The following DZIP3 variants were observed in gnomAD, a reference collection of about 807,000 sequenced individuals.
DZIP3 encodes DAZ interacting zinc finger protein 3.
In DZIP3, 118 loss-of-function variants were observed where a neutral mutation model predicts 162.0. That is an observed-to-expected ratio of 0.73 (90% CI 0.63 to 0.85). The LOEUF is 0.85. Among genes scored for constraint, DZIP3 ranks in the 40% least tolerant of loss-of-function variants. DZIP3 has a pLI of 0.00. For missense variants in DZIP3, 1,331 were observed against 1,407.0 expected (o/e 0.95, Z 0.86); for synonymous variants, 438 against 458.6 (o/e 0.96, Z 0.57).
intron 27 of DZIP3, 36 bp downstream of exon 27, chr3:108,684,377 T>A: frequency 6.3e-7 from 1 of 1,593,146 alleles, no homozygotes; most frequent in East Asian, 2.2e-5. Flanking sequence ...TGTTAATTAG[T>A]TTTTTTATTA....
At chr3:108,683,780 G>T (rs900645835) in intron 26 of DZIP3, among the ~76,000 whole-genome samples, 2 of 152,082 alleles carry the variant, frequency 1.3e-5, no homozygotes, top group South Asian at 4.1e-4. Context: ...ATAACTTTGG[G>T]TTGTTCTGTG....
chr3:108,640,765 G>C (rs1942366792), intron 12 of DZIP3, among the ~76,000 whole-genome samples: 1 of 151,900 alleles, frequency 6.6e-6, no homozygotes, highest in Non-Finnish European at 1.5e-5. Flanking sequence ...TTTTAACCCT[G>C]ATAATATTCT....
intron 24 of DZIP3, among the ~76,000 whole-genome samples, chr3:108,674,567 T>G (rs1348565583): frequency 2.0e-5 from 3 of 151,962 alleles, no homozygotes; most frequent in African/African-American, 4.8e-5. Flanking sequence ...CAGATACTTA[T>G]GAAACAAGGT....
intron 1 of DZIP3, among the ~76,000 whole-genome samples, chr3:108,597,738 G>T (rs1939782644): frequency 6.6e-6 from 1 of 152,174 alleles, no homozygotes; most frequent in Non-Finnish European, 1.5e-5. Flanking sequence ...GTCCATTGAG[G>T]TGTGGGAACA....
At chr3:108,630,507 A>G (rs1941782680) in intron 8 of DZIP3, among the ~76,000 whole-genome samples, 1 of 152,158 alleles carries the variant, frequency 6.6e-6, no homozygotes, top group Admixed American at 6.5e-5. Context: ...CAATCACAAT[A>G]GAATATTTTA....
chr3:108,663,505 G>A (rs1373974654), intron 21 of DZIP3, among the ~76,000 whole-genome samples: 3 of 150,058 alleles, frequency 2.0e-5, no homozygotes, highest in African/African-American at 4.9e-5. Flanking sequence ...GCAGTGAGCC[G>A]AGATCGTGCC....
At chr3:108,610,304 A>G (rs1367182775) in intron 3 of DZIP3, among the ~76,000 whole-genome samples, 1 of 152,058 alleles carries the variant, frequency 6.6e-6, no homozygotes, top group Non-Finnish European at 1.5e-5. Context: ...ATGTTTATAT[A>G]TTTTCCCCTC....
chr3:108,638,704 G>A (rs761365769), intron 12 of DZIP3, among the ~76,000 whole-genome samples: 14 of 151,984 alleles, frequency 9.2e-5, no homozygotes, highest in African/African-American at 2.4e-4. Context: ...ATTATTTCTC[G>A]TTTGAAATTC....
rs754766588 is a variant in DZIP3, at chr3:108,669,733, C to G, written c.2476C>G (p.Gln826Glu). Reference sequence around the variant, plus strand: ...TAATGAAATCAAGAACCTTAAAGAGCAACTTTCTATGAAAAGGTACAAACT... The same window carrying G: ...TAATGAAATCAAGAACCTTAAAGAGGAACTTTCTATGAAAAGGTACAAACT... ...KDNEIKNLKEQLSMKRSQWEM... is the reference protein window; with the variant it reads ...KDNEIKNLKEELSMKRSQWEM... Residue 826 changes from glutamine to glutamate, a missense_variant, in exon 22 of 33, where the codon CAA becomes GAA. Coordinates refer to ENST00000361582, the MANE Select transcript of DZIP3 (RefSeq NM_014648.4). 6.2e-7 allele frequency: 1 copy of G among 1,610,858 alleles called. No homozygotes were observed. Among genetic ancestry groups the G allele is most frequent in the Non-Finnish European group, 8.5e-7 (1 of 1,178,092 alleles).
chr3:108,647,967 A>G lies in DZIP3; in HGVS notation c.1817A>G (p.Asn606Ser). The part of the protein sequence containing the change: ...SQRIEIEELQ[N>S]EEEELSPPLM... The stretch of plus-strand genomic sequence containing the variant: ...GGTATTGAAATAGAAGAGTTACAGA[A>G]TGAGGAAGAAGAACTAAGTCCACCT... Residue 606 changes from asparagine to serine, a missense_variant, in exon 16 of 33, where the codon AAT becomes AGT. Asn to Ser is a conservative substitution (Grantham distance 46, BLOSUM62 1). This residue lies in a region of DZIP3 where 1,278 missense variants were observed against 1,317.1 expected (regional missense o/e 0.97). Coordinates refer to ENST00000361582, the MANE Select transcript of DZIP3 (RefSeq NM_014648.4). The G allele has an allele frequency of 6.3e-7, 1 of 1,577,242 alleles. No individual in the cohort carries two copies. Among genetic ancestry groups the G allele is most frequent in the Non-Finnish European group, 8.6e-7 (1 of 1,167,072 alleles).
intron 1 of DZIP3, among the ~76,000 whole-genome samples, chr3:108,591,167 C>T (rs1939391118): frequency 6.6e-6 from 1 of 152,000 alleles, no homozygotes; most frequent in Non-Finnish European, 1.5e-5. Context: ...GAGGAAATGG[C>T]AAAGAAAGAC....
At chr3:108,601,777 T>A (rs947846832) in intron 1 of DZIP3, among the ~76,000 whole-genome samples, 1 of 152,224 alleles carries the variant, frequency 6.6e-6, no homozygotes, top group Non-Finnish European at 1.5e-5. Context: ...TGTATTTATT[T>A]GAGTTTCTTC....
At chr3:108,678,350 A>T (rs1027124590) in intron 26 of DZIP3, among the ~76,000 whole-genome samples, 40 of 151,872 alleles carry the variant, frequency 2.6e-4, no homozygotes, top group African/African-American at 9.4e-4. Flanking sequence ...TCCCAAAACC[A>T]TCTCCACTCC....
rs1317720905 is a variant in DZIP3 at position 108,644,535 on chromosome 3, CTG to C, written c.1516_1517del (p.Cys506GlnfsTer8). 3.1e-6 allele frequency: 5 copies of C among 1,614,114 alleles called. No homozygotes were observed. The highest frequency in any genetic ancestry group is 1.1e-5 in the South Asian group (1 of 91,084). On this transcript the variant is annotated frameshift_variant, in exon 14 of 33. Transcript: ENST00000361582. LOFTEE classifies it high-confidence loss of function. ...DISKSADILR[L>X]CKYRDILLSE... ...CTCTAAATCTGCAGACATCCTGAGA[CTG>C]TGCAAATACAGGGATATCCTCCTTA...
At chr3:108,676,129 T>C (rs969075193) in intron 25 of DZIP3, among the ~76,000 whole-genome samples, 1 of 152,006 alleles carries the variant, frequency 6.6e-6, no homozygotes, top group Non-Finnish European at 1.5e-5. Flanking sequence ...TTCCTAGAAT[T>C]TCAAAGCTAA....
In DZIP3 at chr3:108,647,930, C is replaced by T; in HGVS notation, c.1793-13C>T. On this transcript the variant is annotated splice_polypyrimidine_tract_variant and intron_variant, in intron 15 of 32. Coordinates refer to ENST00000361582, the MANE Select transcript of DZIP3 (RefSeq NM_014648.4). ...TTCATCTAGATTTTGAGAATTTTGT[C>T]TTTTATGTTTAGGTATTGAAATAGA... The T allele has an allele frequency of 1.3e-6, 2 of 1,489,158 alleles. No homozygotes were observed. Among genetic ancestry groups the T allele is most frequent in the Middle Eastern group, 2.1e-4 (1 of 4,820 alleles). 92.2% of individuals were successfully genotyped at this position (1,489,158 alleles called of 1,614,324 possible).
intron 19 of DZIP3, among the ~76,000 whole-genome samples, chr3:108,654,622 A>G (rs570721818): frequency 1.3e-5 from 2 of 152,330 alleles, no homozygotes; most frequent in Non-Finnish European, 2.9e-5. Context: ...AAAGACTAGC[A>G]TAATCCTACT....
chr3:108,662,269 T>C lies in DZIP3; in HGVS notation c.2423+12T>C, dbSNP rs1411921173. 4 of 1,576,176 alleles carry C rather than the reference T, an allele frequency of 2.5e-6. No individual in the cohort carries two copies. In the South Asian group the frequency reaches 3.6e-5, roughly 14 times the overall value. On this transcript the variant is annotated intron_variant, in intron 21 of 32. Transcript: ENST00000361582. ...AATAAGGTTTCCAAGTAAGTGTAAA[T>C]CTTTTGATAAAGGGAAATTCTGCGC...
At chr3:108,677,081 G>A (rs904705195) in intron 25 of DZIP3, among the ~76,000 whole-genome samples, 1 of 152,022 alleles carries the variant, frequency 6.6e-6, no homozygotes, top group African/African-American at 2.4e-5. Flanking sequence ...TTTTTAAAAT[G>A]AACATTTGCA....
Sources: allele counts gnomAD v4.1 joint callset (sites outside exome capture counted in the v4.1 genomes callset), GRCh38; gene constraint gnomAD v4.1.1; regional missense constraint gnomAD v4.1.1; transcripts MANE v1.5; gene names NCBI Gene and HGNC (gene_info 2026-07-23, HGNC 2026-07-21).